ATE1: variants seen among roughly 807,000 people sequenced by gnomAD.
ATE1 encodes the protein arginyltransferase 1, also known as arginyl-tRNA--protein transferase 1.
A neutral mutation model predicts 70.5 loss-of-function variants in ATE1; 36 were observed. The ratio of observed to expected loss-of-function variants is 0.51; its 90% CI spans 0.39 to 0.67. The LOEUF (loss-of-function observed/expected upper bound fraction) is 0.67, where lower values mean the gene tolerates loss of function less well. ATE1 is among the 30% of genes least tolerant of loss of function. ATE1 has a pLI of 0.00. For missense variants in ATE1, 593 were observed against 629.5 expected, an observed-to-expected ratio of 0.94 and a Z score of 0.62; for synonymous variants, 232 against 219.3, an observed-to-expected ratio of 1.06 and a Z score of -0.51.
intron 11 of ATE1, among the ~76,000 whole-genome samples, chr10:121,770,850 T>C (rs1378349445): frequency 6.6e-6 from 1 of 151,838 alleles, no homozygotes; most frequent in Non-Finnish European, 1.5e-5. Context: ...GCCTAAAACA[T>C]CTTGCATATA....
chr10:121,898,758 A>G (rs1289240157), intron 7 of ATE1: 3 of 1,506,246 alleles, frequency 2.0e-6, no homozygotes, highest in Non-Finnish European at 2.7e-6. Context: ...AAGGGTCATC[A>G]GCTCCACCTG....
chr10:121,880,642 G>A (rs1037607662), intron 7 of ATE1, among the ~76,000 whole-genome samples: 2 of 150,992 alleles, frequency 1.3e-5, no homozygotes, highest in Non-Finnish European at 2.9e-5. Flanking sequence ...ATATTCTTAA[G>A]GGCAGAATTA....
intron 8 of ATE1, among the ~76,000 whole-genome samples, chr10:121,845,668 C>T (rs1246257121): frequency 5.3e-5 from 8 of 152,050 alleles, no homozygotes; most frequent in Admixed American, 3.9e-4. Flanking sequence ...CTTCTACACA[C>T]GAATACTGGA....
chr10:121,884,105 C>CA (rs56040116), intron 7 of ATE1, among the ~76,000 whole-genome samples: 21,639 of 43,416 alleles, frequency 0.5, 9,014 homozygotes, highest in South Asian at 0.72. Flanking sequence ...GACCCAGACT[C>CA]AAAAAAAAAA....
In ATE1 at chr10:121,849,162, G is replaced by A. The variant is rs560066307; in HGVS notation, c.976-7899C>T. ...GGAGGTGGAGATTACAGTGAGCCACGATCACCCCATTGCACTCCAGCCTGG... is the reference window on the plus strand; with the variant it reads ...GGAGGTGGAGATTACAGTGAGCCACAATCACCCCATTGCACTCCAGCCTGG... On this transcript the variant is annotated intron_variant, in intron 8 of 11. Coordinates refer to ENST00000224652, the MANE Select transcript of ATE1 (RefSeq NM_001001976.3). Among the ~76,000 whole-genome samples, 11 of 149,646 alleles carry A rather than the reference G, an allele frequency of 7.4e-5. No homozygotes were observed. The East Asian group carries it at 1.6e-3, about 21-fold the overall frequency.
At chr10:121,831,341 T>C (rs1948226712) in intron 10 of ATE1, among the ~76,000 whole-genome samples, 1 of 152,214 alleles carries the variant, frequency 6.6e-6, no homozygotes, top group South Asian at 2.1e-4. Flanking sequence ...ATTTTGCATA[T>C]AAACTTATTA....
At chr10:121,803,775 T>A (rs1946987873) in intron 10 of ATE1, among the ~76,000 whole-genome samples, 1 of 152,216 alleles carries the variant, frequency 6.6e-6, no homozygotes, top group Non-Finnish European at 1.5e-5. Context: ...AAAGCCTTAA[T>A]CATAAAGGTC....
Position 121,740,555 on chromosome 10 carries a change from GAA to G in ATE1, c.*3123_*3124del, listed in dbSNP as rs999394422. 1.3e-5 allele frequency: 2 copies of G among 152,184 alleles called. No individual in the cohort carries two copies. The highest frequency in any genetic ancestry group is 4.8e-5 in the African/African-American group (2 of 41,462). The allele number at this position is 152,184 out of a possible 1,614,324, so 9.4% of individuals were successfully genotyped here. A position where few individuals can be genotyped will look rare whatever the true frequency, so the allele number is the denominator to read the frequency against. On this transcript the variant is annotated 3_prime_UTR_variant, in exon 12 of 12. Coordinates refer to ENST00000224652, the MANE Select transcript of ATE1 (RefSeq NM_001001976.3). ...CCTTATAGTCATTGGCTTTCTTTTA[GAA>G]AAGAGTGTGCACTTGAATAACTTCT...
chr10:121,905,033 A>G (rs1355979017), intron 5 of ATE1, among the ~76,000 whole-genome samples: 2 of 152,186 alleles, frequency 1.3e-5, no homozygotes, highest in South Asian at 2.1e-4. Context: ...TCTTTTCTCA[A>G]ATTTGCTCTG....
intron 7 of ATE1, among the ~76,000 whole-genome samples, chr10:121,878,312 G>T (rs1950120761): frequency 6.6e-6 from 1 of 152,040 alleles, no homozygotes; most frequent in Non-Finnish European, 1.5e-5. Flanking sequence ...TAAAAATTTG[G>T]CCAGGCGTGT....
intron 10 of ATE1, among the ~76,000 whole-genome samples, chr10:121,822,360 A>G (rs1374430817): frequency 2.6e-5 from 4 of 152,182 alleles, no homozygotes; most frequent in African/African-American, 9.7e-5. Context: ...TAAAAGTGAG[A>G]ACAGTGGTTA....
intron 7 of ATE1, among the ~76,000 whole-genome samples, chr10:121,875,286 G>A (rs1057282281): frequency 6.9e-6 from 1 of 145,690 alleles, no homozygotes; most frequent in Admixed American, 7.0e-5. Context: ...GGGCCTTGAG[G>A]GTTTTTTTTT....
intron 11 of ATE1, among the ~76,000 whole-genome samples, chr10:121,774,572 A>T (rs1359672477): frequency 6.6e-6 from 1 of 152,198 alleles, no homozygotes; most frequent in Admixed American, 6.5e-5. Context: ...GAAGAAGTTC[A>T]AACAGCTCTA....
Position 121,883,833 on chromosome 10 carries a change from G to A in ATE1, c.943-13795C>T, listed in dbSNP as rs112915234. Among the ~76,000 whole-genome samples, 408 of 152,002 alleles carry A rather than the reference G, an allele frequency of 2.7e-3. 4 individuals carry two copies. Among genetic ancestry groups the A allele is most frequent in the African/African-American group, 9.4e-3 (388 of 41,454 alleles). The stretch of plus-strand genomic sequence containing the variant: ...TAAAAAGCACTGCAGACTGGGGTGC[G>A]GTGGTTCACGACTGGAATCCCAGCA... On this transcript the variant is annotated intron_variant, in intron 7 of 11. Coordinates refer to ENST00000224652, the MANE Select transcript of ATE1 (RefSeq NM_001001976.3).
intron 11 of ATE1, among the ~76,000 whole-genome samples, chr10:121,771,110 C>T (rs1227874553): frequency 6.6e-6 from 1 of 152,130 alleles, no homozygotes; most frequent in Non-Finnish European, 1.5e-5. Context: ...CCCACTTTGT[C>T]ACCCAGGCTG....
chr10:121,775,412 C>T (rs916410067), intron 11 of ATE1, among the ~76,000 whole-genome samples: 3 of 151,982 alleles, frequency 2.0e-5, no homozygotes, highest in African/African-American at 7.3e-5. Context: ...CAGCAAACCA[C>T]GGTGGCACAT....
chr10:121,773,744 AT>A (rs918648591), intron 11 of ATE1, among the ~76,000 whole-genome samples: 32 of 152,264 alleles, frequency 2.1e-4, no homozygotes, highest in African/African-American at 7.2e-4. Flanking sequence ...TCTGTGAAAT[AT>A]TTTTTTAAAA....
chr10:121,906,097 A>G (rs543511515), intron 5 of ATE1, among the ~76,000 whole-genome samples: 1 of 152,288 alleles, frequency 6.6e-6, no homozygotes, highest in East Asian at 1.9e-4. Flanking sequence ...TTTTTAAATT[A>G]AAATGGAAAT....
At chr10:121,892,534 CTT>C (rs939486118) in intron 7 of ATE1, among the ~76,000 whole-genome samples, 44 of 144,124 alleles carry the variant, frequency 3.1e-4, no homozygotes, top group South Asian at 2.2e-4. Context: ...CAGTCTCCCT[CTT>C]GTCGCCCTCG....
Sources: allele counts gnomAD v4.1 joint callset (sites outside exome capture counted in the v4.1 genomes callset), GRCh38; gene constraint gnomAD v4.1.1; transcripts MANE v1.5; gene names NCBI Gene and HGNC (gene_info 2026-07-23, HGNC 2026-07-21).